The following MAPRE2 variants were observed in gnomAD, a reference collection of about 807,000 sequenced individuals.
MAPRE2 encodes microtubule associated protein RP/EB family member 2, also known as microtubule-associated protein RP/EB family member 2.
MAPRE2 carries 13 observed loss-of-function variants against 43.2 expected under a neutral mutation model. The observed-to-expected ratio is 0.30, with a 90% confidence interval of 0.20 to 0.48. The LOEUF (loss-of-function observed/expected upper bound fraction) is 0.48. Ranked by LOEUF, MAPRE2 falls within the 20% of genes least tolerant of loss-of-function variation. The probability of loss-of-function intolerance (pLI) is 0.99; values close to 1 mark genes in which losing one functional copy is unlikely to be tolerated. For synonymous variants in MAPRE2, 135 were observed against 148.8 expected (o/e 0.91, Z 0.68); for missense variants, 161 against 400.2 (o/e 0.40, Z 5.10).
chr18:35,034,843 A>G (rs1449343777), intron 2 of MAPRE2, among the ~76,000 whole-genome samples: 1 of 152,236 alleles, frequency 6.6e-6, no homozygotes, highest in Non-Finnish European at 1.5e-5. Context: ...AATGGCAATC[A>G]TTAAAAAGTC....
intron 4 of MAPRE2, among the ~76,000 whole-genome samples, chr18:35,109,970 C>T (rs940003646): frequency 6.6e-6 from 1 of 152,046 alleles, no homozygotes; most frequent in East Asian, 1.9e-4. Context: ...AATTTACTTA[C>T]CGCCTTTTAA....
intron 4 of MAPRE2, among the ~76,000 whole-genome samples, chr18:35,103,358 T>G (rs1227754808): frequency 6.6e-6 from 1 of 152,102 alleles, no homozygotes; most frequent in Non-Finnish European, 1.5e-5. Flanking sequence ...GAGAAGGAGA[T>G]GTTAAACATG....
At chr18:35,071,748 C>T (rs1438203496) in intron 2 of MAPRE2, among the ~76,000 whole-genome samples, 2 of 152,206 alleles carry the variant, frequency 1.3e-5, no homozygotes, top group East Asian at 1.9e-4. Context: ...ATTCTCCCTT[C>T]ACCAGGTCTG....
intron 1 of MAPRE2, among the ~76,000 whole-genome samples, chr18:35,068,685 T>C (rs1178442578): frequency 6.6e-6 from 1 of 152,190 alleles, no homozygotes; most frequent in Non-Finnish European, 1.5e-5. Flanking sequence ...AACTTCTCTT[T>C]GTAGAATTAT....
intron 1 of MAPRE2, among the ~76,000 whole-genome samples, chr18:35,066,174 CTTTTTG>C (rs2150619674): frequency 6.6e-6 from 1 of 152,272 alleles, no homozygotes; most frequent in Non-Finnish European, 1.5e-5. Flanking sequence ...TAAAAATTAG[CTTTTTG>C]AATTGTATAA....
intron 1 of MAPRE2, among the ~76,000 whole-genome samples, chr18:34,981,872 T>TA (rs1224583927): frequency 3.9e-4 from 16 of 41,184 alleles, no homozygotes; most frequent in Admixed American, 8.9e-4. Context: ...TTATTTTTTT[T>TA]TTTTATTTTT....
upstream of MAPRE2, among the ~76,000 whole-genome samples, chr18:35,037,848 C>G (rs982392232): frequency 8.5e-5 from 13 of 152,162 alleles, no homozygotes; most frequent in African/African-American, 3.1e-4. Flanking sequence ...CTTTCCCCAG[C>G]CCCTCTGCAA....
intron 2 of MAPRE2, among the ~76,000 whole-genome samples, chr18:35,019,085 T>C (rs547915223): frequency 1.3e-5 from 2 of 152,154 alleles, no homozygotes; most frequent in East Asian, 3.9e-4. Flanking sequence ...ATTTTATTGT[T>C]TACCCAAAAG....
At chr18:35,049,590 C>T (rs1263899201) in intron 1 of MAPRE2, among the ~76,000 whole-genome samples, 1 of 152,194 alleles carries the variant, frequency 6.6e-6, no homozygotes, top group South Asian at 2.1e-4. Context: ...GGCGAGAGTA[C>T]GTGGTGGGAG....
chr18:35,101,833 G>A, intron 3 of MAPRE2, 113 bp from the exon 4 acceptor site: 2 of 745,038 alleles, frequency 2.7e-6, no homozygotes, highest in Non-Finnish European at 4.4e-6. Flanking sequence ...ATTATAAACA[G>A]TGCTGCCACA....
intron 2 of MAPRE2, among the ~76,000 whole-genome samples, chr18:35,077,075 A>G (rs1364334088): frequency 2.0e-5 from 3 of 152,194 alleles, no homozygotes; most frequent in African/African-American, 7.2e-5. Flanking sequence ...GAAGACTAAC[A>G]ATATATATAC....
At chr18:35,108,928 G>A (rs899801541) in intron 4 of MAPRE2, among the ~76,000 whole-genome samples, 1 of 152,100 alleles carries the variant, frequency 6.6e-6, no homozygotes, top group Non-Finnish European at 1.5e-5. Context: ...TAGGTTGCCT[G>A]TTCACTCTGA....
At chr18:35,067,965 TCA>T (rs1906916285) in intron 1 of MAPRE2, among the ~76,000 whole-genome samples, 1 of 152,200 alleles carries the variant, frequency 6.6e-6, no homozygotes, top group East Asian at 1.9e-4. Flanking sequence ...GTAATTATGG[TCA>T]CACTATCTGA....
At chr18:35,065,699 G>C (rs1470808176) in intron 1 of MAPRE2, among the ~76,000 whole-genome samples, 1 of 151,962 alleles carries the variant, frequency 6.6e-6, no homozygotes, top group South Asian at 2.1e-4. Context: ...GACTACAGGC[G>C]CATGCCACCA....
At chr18:35,038,312 G>GAGT (rs2097051749), upstream of MAPRE2, among the ~76,000 whole-genome samples, 1 of 152,182 alleles carries the variant, frequency 6.6e-6, no homozygotes, top group African/African-American at 2.4e-5. Context: ...TGGCATGCTA[G>GAGT]CAAAAGAAGA....
intron 4 of MAPRE2, among the ~76,000 whole-genome samples, chr18:35,103,369 A>T (rs1908764923): frequency 6.6e-6 from 1 of 152,166 alleles, no homozygotes; most frequent in Non-Finnish European, 1.5e-5. Flanking sequence ...GTTAAACATG[A>T]CTTCTTGTAC....
chr18:35,005,982 C>G (rs896226930), intron 2 of MAPRE2, among the ~76,000 whole-genome samples: 1 of 152,104 alleles, frequency 6.6e-6, no homozygotes, highest in East Asian at 1.9e-4. Flanking sequence ...TGCGAGCGTG[C>G]GAGCATGTCT....
chr18:35,052,371 A>T (rs563246197), intron 1 of MAPRE2, among the ~76,000 whole-genome samples: 11 of 152,184 alleles, frequency 7.2e-5, no homozygotes, highest in Non-Finnish European at 1.5e-4. Flanking sequence ...TGATTTTAAG[A>T]TTCATCCATA....
chr18:35,059,810 C>T (rs1416040680), intron 1 of MAPRE2, among the ~76,000 whole-genome samples: 1 of 152,254 alleles, frequency 6.6e-6, no homozygotes, highest in East Asian at 1.9e-4. Flanking sequence ...GGTCTTGAGC[C>T]CCAGTTATCC....
Sources: allele counts gnomAD v4.1 joint callset (sites outside exome capture counted in the v4.1 genomes callset), GRCh38; gene constraint gnomAD v4.1.1; transcripts MANE v1.5; gene names NCBI Gene and HGNC (gene_info 2026-07-23, HGNC 2026-07-21).